DLC1: variants seen among roughly 807,000 people sequenced by gnomAD.
The protein encoded by DLC1 is DLC1 Rho GTPase activating protein.
Under a neutral mutation model 140.3 loss-of-function variants are expected in DLC1, and 54 were observed. That is an observed-to-expected ratio of 0.38 (90% CI 0.31 to 0.48). The LOEUF (loss-of-function observed/expected upper bound fraction) is 0.48, where lower values mean the gene tolerates loss of function less well. DLC1 is among the 20% of genes least tolerant of loss of function. DLC1 has a pLI of 0.96. For synonymous variants in DLC1, 986 were observed against 728.1 expected, an observed-to-expected ratio of 1.35 and a Z score of -5.70; for missense variants, 2,536 against 1,907.0, an observed-to-expected ratio of 1.33 and a Z score of -6.14.
intron 2 of DLC1, among the ~76,000 whole-genome samples, chr8:13,414,849 C>T (rs1203591296): frequency 6.6e-6 from 1 of 152,028 alleles, no homozygotes; most frequent in Non-Finnish European, 1.5e-5. Flanking sequence ...CTTGTTCTGT[C>T]ACCCAGGCTG....
chr8:13,602,281 A>T (rs1226676855), intron 1 of DLC1, among the ~76,000 whole-genome samples: 2 of 150,642 alleles, frequency 1.3e-5, no homozygotes, highest in Non-Finnish European at 2.9e-5. Context: ...AGAATCTCAA[A>T]CAATCAATCA....
At chr8:13,098,600 T>G (rs780190775) in intron 9 of DLC1, 25 bp from the exon 10 acceptor site, 1 of 1,603,500 alleles carries the variant, frequency 6.2e-7, no homozygotes, top group Non-Finnish European at 8.5e-7. Context: ...GAGAGGAAAA[T>G]GAGTGTGAAG....
At chr8:13,567,262 C>G in intron 1 of DLC1, 1 of 1,551,668 alleles carries the variant, frequency 6.4e-7, no homozygotes, top group Non-Finnish European at 8.7e-7. Flanking sequence ...GATCAACTAC[C>G]TCAAGCTCAA....
intron 5 of DLC1, among the ~76,000 whole-genome samples, chr8:13,300,711 G>A (rs1305512955): frequency 2.0e-5 from 3 of 152,208 alleles, no homozygotes; most frequent in African/African-American, 7.2e-5. Context: ...AAATGGCCAT[G>A]TATGGACAGG....
At position 13,285,412 on chromosome 8, in the gene DLC1, C is replaced by A. The variant is rs557566413; in HGVS notation, c.1348+19857G>T. 5.9e-5 allele frequency among the ~76,000 whole-genome samples: 9 copies of A among 152,230 alleles called. No homozygotes were observed. In the South Asian group the frequency reaches 1.9e-3, roughly 32 times the overall value. On this transcript the variant is annotated intron_variant, in intron 5 of 17. Coordinates refer to ENST00000276297, the MANE Select transcript of DLC1 (RefSeq NM_182643.3). ...ACATTAACTCTAAATGGAACATAGA[C>A]CACAGACCTAAATGTAGGAGTAAAA...
chr8:13,508,316 T>C (rs1802199243), intron 1 of DLC1, among the ~76,000 whole-genome samples: 1 of 152,272 alleles, frequency 6.6e-6, no homozygotes, highest in Admixed American at 6.5e-5. Flanking sequence ...TATGATATTC[T>C]CCTGATATCA....
intron 5 of DLC1, among the ~76,000 whole-genome samples, chr8:13,272,265 T>A (rs1457852648): frequency 3.3e-5 from 5 of 151,872 alleles, no homozygotes; most frequent in Non-Finnish European, 7.4e-5. Flanking sequence ...CTGGCCAACA[T>A]GGTGAAACCC....
At chr8:13,143,844 G>GAGAGAGAGAGAGAGAA (rs1554584116) in intron 5 of DLC1, among the ~76,000 whole-genome samples, 1 of 148,168 alleles carries the variant, frequency 6.7e-6, no homozygotes, top group African/African-American at 2.6e-5. Context: ...GAGAGAGAGA[G>GAGAGAGAGAGAGAGAA]AGAGAGAGAC....
chr8:13,371,600 T>G (rs914947708), intron 4 of DLC1, among the ~76,000 whole-genome samples: 12 of 151,964 alleles, frequency 7.9e-5, no homozygotes, highest in African/African-American at 2.9e-4. Flanking sequence ...TTTTTTTGCT[T>G]GGAGAGTTAT....
intron 4 of DLC1, among the ~76,000 whole-genome samples, chr8:13,344,837 T>A (rs1834252943): frequency 6.6e-6 from 1 of 152,192 alleles, no homozygotes; most frequent in Non-Finnish European, 1.5e-5. Flanking sequence ...ACTTTGTAAT[T>A]AAGTATAATT....
At chr8:13,172,705 T>C (rs1411917212) in intron 5 of DLC1, among the ~76,000 whole-genome samples, 1 of 152,260 alleles carries the variant, frequency 6.6e-6, no homozygotes, top group Non-Finnish European at 1.5e-5. Flanking sequence ...TGGTTGTTTC[T>C]GTTTCAGTAT....
At chr8:13,150,631 C>T (rs1027101752) in intron 5 of DLC1, among the ~76,000 whole-genome samples, 1 of 152,202 alleles carries the variant, frequency 6.6e-6, no homozygotes, top group African/African-American at 2.4e-5. Context: ...GAAACCAGGC[C>T]TCTGGCTATG....
chr8:13,315,041 T>C (rs1218791014), intron 4 of DLC1, among the ~76,000 whole-genome samples: 1 of 152,202 alleles, frequency 6.6e-6, no homozygotes. Context: ...AACTCATCAC[T>C]TCAGGCCTGA....
intron 2 of DLC1, among the ~76,000 whole-genome samples, chr8:13,476,884 G>A (rs1343537324): frequency 6.6e-6 from 1 of 152,154 alleles, no homozygotes; most frequent in Non-Finnish European, 1.5e-5. Context: ...CAAAGAAGAT[G>A]ATTAAAATAT....
At chr8:13,310,898 A>C (rs1315240536) in intron 4 of DLC1, among the ~76,000 whole-genome samples, 1 of 152,200 alleles carries the variant, frequency 6.6e-6, no homozygotes, top group East Asian at 1.9e-4. Flanking sequence ...CAGTTCTTCA[A>C]ATACCACCTT....
At chr8:13,429,218 T>G (rs1380429997) in intron 2 of DLC1, among the ~76,000 whole-genome samples, 1 of 152,212 alleles carries the variant, frequency 6.6e-6, no homozygotes, top group Non-Finnish European at 1.5e-5. Flanking sequence ...CTCCAAGGCC[T>G]ACCAAATCAT....
chr8:13,209,316 G>A (rs1016862679), intron 5 of DLC1, among the ~76,000 whole-genome samples: 3 of 151,964 alleles, frequency 2.0e-5, no homozygotes, highest in Non-Finnish European at 4.4e-5. Context: ...TTCCAGTATT[G>A]CATATAATTT....
chr8:13,221,008 T>C (rs1011617695), intron 5 of DLC1, among the ~76,000 whole-genome samples: 2 of 152,172 alleles, frequency 1.3e-5, no homozygotes, highest in African/African-American at 2.4e-5. Context: ...TTAAATTTAA[T>C]GGTGTAGGCT....
chr8:13,485,939 C>A (rs1318267478), intron 2 of DLC1, among the ~76,000 whole-genome samples: 1 of 152,250 alleles, frequency 6.6e-6, no homozygotes, highest in South Asian at 2.1e-4. Context: ...ATTTGCATGA[C>A]GAGTACACAG....
Sources: gnomAD v4.1 joint callset for allele counts (sites outside exome capture counted in the v4.1 genomes callset) on GRCh38, gnomAD v4.1.1 for gene constraint, MANE v1.5 for transcripts, NCBI Gene and HGNC (gene_info 2026-07-23, HGNC 2026-07-21) for gene names.